The following BAHCC1 variants were observed in gnomAD, a reference collection of about 807,000 sequenced individuals.
BAHCC1 encodes BAH and coiled-coil domain-containing protein 1.
A neutral mutation model predicts 88.2 loss-of-function variants in BAHCC1; 43 were observed. That is an observed-to-expected ratio of 0.49 (90% CI 0.38 to 0.63). The LOEUF (loss-of-function observed/expected upper bound fraction) is 0.63. Among genes scored for constraint, BAHCC1 ranks in the 20% least tolerant of loss-of-function variants. The probability of loss-of-function intolerance (pLI) is 0.00; values close to 1 mark genes in which losing one functional copy is unlikely to be tolerated. For missense variants in BAHCC1, 3,023 were observed against 1,654.8 expected (o/e 1.83, Z -14.34); for synonymous variants, 1,510 against 745.5 (o/e 2.03, Z -16.71).
chr17:81,433,108 G>T (rs2064288675), intron 3 of BAHCC1, among the ~76,000 whole-genome samples: 1 of 151,410 alleles, frequency 6.6e-6, no homozygotes, highest in Non-Finnish European at 1.5e-5. Context: ...CACCACTTGG[G>T]CCAGTTCCCT....
intron 11 of BAHCC1, among the ~76,000 whole-genome samples, chr17:81,448,278 C>T (rs903912133): frequency 5.3e-5 from 8 of 152,188 alleles, no homozygotes; most frequent in Admixed American, 2.0e-4. Context: ...GTCGGCTCCC[C>T]GCTTCAGGCC....
At chr17:81,443,950 G>A (rs1171938794) in intron 6 of BAHCC1, 33 bp downstream of exon 6, 1 of 703,950 alleles carries the variant, frequency 1.4e-6, no homozygotes, top group African/African-American at 1.7e-5. Context: ...TGGAGAGTGG[G>A]GCTAGGCCTG....
In BAHCC1 at chr17:81,463,894, A is replaced by G. The variant is rs1247955055; in HGVS notation, c.*77A>G. On this transcript the variant is annotated 3_prime_UTR_variant, in exon 28 of 28. Transcript: ENST00000675386. The stretch of plus-strand genomic sequence containing the variant: ...CCTGGCGTCGGCCAAGCCACCGGGC[A>G]GGAGGCAGCCCCGGCCTCCCAAGGG... The G allele has an allele frequency of 2.9e-6, 2 of 687,630 alleles. No individual in the cohort carries two copies. The highest frequency in any genetic ancestry group is 2.7e-5 in the East Asian group (1 of 36,952). The allele number at this position is 687,630 out of a possible 1,614,324, so 42.6% of individuals were successfully genotyped here.
At chr17:81,449,236 G>A (rs543322491) in intron 11 of BAHCC1, among the ~76,000 whole-genome samples, 1 of 152,252 alleles carries the variant, frequency 6.6e-6, no homozygotes, top group Non-Finnish European at 1.5e-5. Flanking sequence ...GTGGAGTCAG[G>A]GCCAGCTCTG....
rs782134341 is a variant in BAHCC1, at chr17:81,399,513, C to T, written c.-206-21C>T. The T allele has an allele frequency of 2.9e-6, 1 of 340,070 alleles. No individual in the cohort carries two copies. The highest frequency in any genetic ancestry group is 2.0e-5 in the South Asian group (1 of 49,100). The allele number at this position is 340,070 out of a possible 1,614,324, so 21.1% of individuals were successfully genotyped here. On this transcript the variant is annotated intron_variant, in intron 1 of 27. Coordinates refer to ENST00000675386, the MANE Select transcript of BAHCC1 (RefSeq NM_001377448.1). This position sits in a 1 kb window ranked among gnomAD's most constrained non-coding sequence, Gnocchi z 4.5. ...CCGAGCCCCCCAGTCACCCGTGTCT[C>T]CTCTGCTTTTGCCTCCACAGACCAT...
chr17:81,444,864 T>C, intron 8 of BAHCC1, 38 bp downstream of exon 8: 1 of 749,598 alleles, frequency 1.3e-6, no homozygotes, highest in Non-Finnish European at 2.5e-6. Flanking sequence ...ACTTGGGGGG[T>C]GCTGTTGGAA....
intron 2 of BAHCC1, among the ~76,000 whole-genome samples, chr17:81,403,635 A>G (rs578104677): frequency 6.6e-6 from 1 of 152,330 alleles, no homozygotes; most frequent in Admixed American, 6.5e-5. Flanking sequence ...AAAGAAAAAA[A>G]TACATTTTCT....
chr17:81,462,136 T>C (rs1277531648), intron 26 of BAHCC1, 90 bp downstream of exon 26: 4 of 625,588 alleles, frequency 6.4e-6, no homozygotes, highest in African/African-American at 3.7e-5. Context: ...CTCTCCTTTT[T>C]CATCTTCCTA....
At position 81,451,958 on chromosome 17, in the gene BAHCC1, C is replaced by CT. The variant is rs1555655924; in HGVS notation, c.4180-13_4180-12insT. On this transcript the variant is annotated splice_polypyrimidine_tract_variant and intron_variant, in intron 12 of 27. Transcript: ENST00000675386. ...CTGGCCCGGCTCACAGGCCCCTGTGCCCCCCCCACCAGGTGTGCCCCCTGA... is the reference window on the plus strand; with the variant it reads ...CTGGCCCGGCTCACAGGCCCCTGTGCTCCCCCCCACCAGGTGTGCCCCCTGA... The CT allele has an allele frequency of 1.9e-6, 1 of 539,928 alleles. No individual in the cohort carries two copies. The highest frequency in any genetic ancestry group is 3.4e-5 in the Admixed American group (1 of 29,028). The allele number at this position is 539,928 out of a possible 1,614,324, so 33.4% of individuals were successfully genotyped here. A position where few individuals can be genotyped will look rare whatever the true frequency, so the allele number is the denominator to read the frequency against.
Position 81,463,923 on chromosome 17 carries a change from A to G in BAHCC1, c.*106A>G, listed in dbSNP as rs540045388. 3.3e-4 allele frequency: 221 copies of G among 661,672 alleles called. No individual in the cohort carries two copies. Among genetic ancestry groups the G allele is most frequent in the African/African-American group, 3.3e-3 (183 of 56,090 alleles). 41.0% of individuals were successfully genotyped at this position (661,672 alleles called of 1,614,324 possible). A position where few individuals can be genotyped will look rare whatever the true frequency, so the allele number is the denominator to read the frequency against. On this transcript the variant is annotated 3_prime_UTR_variant, in exon 28 of 28. Transcript: ENST00000675386. ...GGCAGCCCCGGCCTCCCAAGGGCGC[A>G]TCTGAGCAAATATGCAAAAGCCCAC...
At chr17:81,402,821 G>A (rs2063833609) in intron 2 of BAHCC1, 1 of 152,224 alleles carries the variant, frequency 6.6e-6, no homozygotes, top group Non-Finnish European at 1.5e-5. Context: ...AGTCTGAGGG[G>A]CCCTGATGGG....
chr17:81,441,544 C>A (rs2064415401), intron 4 of BAHCC1, among the ~76,000 whole-genome samples: 1 of 152,090 alleles, frequency 6.6e-6, no homozygotes, highest in East Asian at 1.9e-4. Context: ...CTCCTGTAGT[C>A]CCAGCTACTC....
Position 81,442,240 on chromosome 17 carries a change from T to C in BAHCC1, c.891T>C (p.Ala297=). ...TKVLNGEMGR[A]ALASCAGGML... ...TGCTCAACGGCGAGATGGGCAGGGC[T>C]GCGCTAGCCAGCTGTGCAGGGGGCA... Residue 297 remains alanine, a synonymous_variant, in exon 5 of 28, where the codon GCT becomes GCC. Coordinates refer to ENST00000675386, the MANE Select transcript of BAHCC1 (RefSeq NM_001377448.1). The C allele has an allele frequency of 1.6e-6, 1 of 632,556 alleles. No individual in the cohort carries two copies. The highest frequency in any genetic ancestry group is 2.9e-6 in the Non-Finnish European group (1 of 350,638). 39.2% of individuals were successfully genotyped at this position (632,556 alleles called of 1,614,324 possible).
intron 14 of BAHCC1, among the ~76,000 whole-genome samples, chr17:81,454,438 T>C (rs1268553584): frequency 6.6e-6 from 1 of 152,136 alleles, no homozygotes; most frequent in East Asian, 1.9e-4. Flanking sequence ...ATTCCATCCT[T>C]AAGACCCGCG....
rs1190595132 is a variant in BAHCC1, at chr17:81,434,632, G to A, written c.359-3738G>A. Among the ~76,000 whole-genome samples the A allele has an allele frequency of 6.6e-6, 1 of 152,046 alleles. No homozygotes were observed. Among genetic ancestry groups the A allele is most frequent in the Non-Finnish European group, 1.5e-5 (1 of 67,972 alleles). On this transcript the variant is annotated intron_variant, in intron 3 of 27. Coordinates refer to ENST00000675386, the MANE Select transcript of BAHCC1 (RefSeq NM_001377448.1). This position sits in a 1 kb window ranked among gnomAD's most constrained non-coding sequence, Gnocchi z 4.9. ...GTGATCTTGGTCCTTCTGCTGGCTG[G>A]CGTCCCTCCCTCCTAGACCTGGCCG... is the stretch of plus-strand genomic sequence containing the variant.
At chr17:81,402,323 A>G (rs1489042093) in intron 2 of BAHCC1, 1 of 152,216 alleles carries the variant, frequency 6.6e-6, no homozygotes, top group Non-Finnish European at 1.5e-5. Flanking sequence ...AATTGTTAAG[A>G]GCCAGAATAT....
rs1555652021 is a variant in BAHCC1, at chr17:81,438,359, T to C, written c.359-11T>C. 1.5e-5 allele frequency: 12 copies of C among 778,366 alleles called. No individual in the cohort carries two copies. The highest frequency in any genetic ancestry group is 2.9e-5 in the Non-Finnish European group (12 of 417,542). The allele number at this position is 778,366 out of a possible 1,614,324, so 48.2% of individuals were successfully genotyped here. A position where few individuals can be genotyped will look rare whatever the true frequency, so the allele number is the denominator to read the frequency against. ...GAGTTGCCTCTGCAACTGGGTCTCT[T>C]GCTTCTCTAGCTCCGGGGTACCCCA... On this transcript the variant is annotated splice_polypyrimidine_tract_variant and intron_variant, in intron 3 of 27. Coordinates refer to ENST00000675386, the MANE Select transcript of BAHCC1 (RefSeq NM_001377448.1).
chr17:81,404,285 A>T (rs2063853480), intron 2 of BAHCC1, among the ~76,000 whole-genome samples: 1 of 152,220 alleles, frequency 6.6e-6, no homozygotes, highest in African/African-American at 2.4e-5. Flanking sequence ...ATTATACAAG[A>T]GCCATTCATG....
At chr17:81,433,757 C>CGTGT (rs1431026351) in intron 3 of BAHCC1, among the ~76,000 whole-genome samples, 10 of 152,028 alleles carry the variant, frequency 6.6e-5, no homozygotes, top group African/African-American at 2.4e-4. Context: ...CCGAGGTCCC[C>CGTGT]GTGTGCTCAG....
Sources: allele counts gnomAD v4.1 joint callset (sites outside exome capture counted in the v4.1 genomes callset), GRCh38; gene constraint gnomAD v4.1.1; non-coding constraint Gnocchi (gnomAD v3.1); transcripts MANE v1.5; gene names NCBI Gene and HGNC (gene_info 2026-07-23, HGNC 2026-07-21).